The following SCFD2 variants were observed in gnomAD, a reference collection of about 807,000 sequenced individuals.
The protein encoded by SCFD2 is sec1 family domain-containing protein 2.
In SCFD2, 54 loss-of-function variants were observed where a neutral mutation model predicts 58.9. The observed-to-expected ratio is 0.92, with a 90% CI of 0.74 to 1.15. The LOEUF is 1.15. SCFD2 is among the 50% of genes most tolerant of loss of function. The probability of loss-of-function intolerance (pLI) is 0.00; values close to 1 mark genes in which losing one functional copy is unlikely to be tolerated. For missense variants in SCFD2, 805 were observed against 836.6 expected (o/e 0.96, Z 0.47); for synonymous variants, 321 against 335.9 (o/e 0.96, Z 0.49).
At chr4:52,940,466 A>G (rs1433086718) in intron 5 of SCFD2, among the ~76,000 whole-genome samples, 1 of 152,228 alleles carries the variant, frequency 6.6e-6, no homozygotes, top group African/African-American at 2.4e-5. Flanking sequence ...GTCCCACATT[A>G]GAAATTAAAG....
intron 4 of SCFD2, among the ~76,000 whole-genome samples, chr4:53,190,689 T>G (rs1221941142): frequency 1.3e-5 from 2 of 152,220 alleles, no homozygotes; most frequent in Non-Finnish European, 2.9e-5. Flanking sequence ...CAGTCTGTTT[T>G]TTGTTCTCTG....
At chr4:53,127,657 G>T (rs898466244) in intron 5 of SCFD2, among the ~76,000 whole-genome samples, 4 of 152,182 alleles carry the variant, frequency 2.6e-5, no homozygotes, top group African/African-American at 9.7e-5. Context: ...GCTGGGCTGG[G>T]AATCAGTTGC....
intron 3 of SCFD2, among the ~76,000 whole-genome samples, chr4:53,294,508 G>C (rs1731953701): frequency 6.6e-6 from 1 of 152,024 alleles, no homozygotes; most frequent in South Asian, 2.1e-4. Context: ...TTGTAAATTT[G>C]TTTAAGTTAT....
At chr4:53,249,316 A>G (rs1350719661) in intron 4 of SCFD2, among the ~76,000 whole-genome samples, 4 of 152,240 alleles carry the variant, frequency 2.6e-5, no homozygotes, top group Non-Finnish European at 5.9e-5. Flanking sequence ...TGAAAAGACC[A>G]AATCTACATC....
intron 7 of SCFD2, among the ~76,000 whole-genome samples, chr4:52,899,813 A>C (rs1029992547): frequency 1.2e-4 from 18 of 152,096 alleles, no homozygotes; most frequent in African/African-American, 4.3e-4. Flanking sequence ...TGGTCTTTTC[A>C]TATAGTCCCA....
Position 53,123,291 on chromosome 4 carries a change from A to G in SCFD2, c.1561+22042T>C, listed in dbSNP as rs116584311. Among the ~76,000 whole-genome samples the G allele has an allele frequency of 4.1e-3, 628 of 152,356 alleles. 6 individuals are homozygous for G. The highest frequency in any genetic ancestry group is 0.015 in the African/African-American group (606 of 41,576). Reference sequence around the variant, plus strand: ...CACTTGAACATTAAGTTTAAACAACATTAGTCTAAGCAAAGGGCAAAAAGA... The same window carrying G: ...CACTTGAACATTAAGTTTAAACAACGTTAGTCTAAGCAAAGGGCAAAAAGA... On this transcript the variant is annotated intron_variant, in intron 5 of 8. Coordinates refer to ENST00000401642, the MANE Select transcript of SCFD2 (RefSeq NM_152540.4).
chr4:53,343,436 G>C (rs1307838517), intron 2 of SCFD2, among the ~76,000 whole-genome samples: 2 of 152,080 alleles, frequency 1.3e-5, no homozygotes, highest in Admixed American at 6.6e-5. Flanking sequence ...ACCAATAACA[G>C]GTTCTGAAAT....
chr4:53,274,148 A>G (rs1422533433), intron 3 of SCFD2, 147 bp from the exon 4 acceptor site: 1 of 632,326 alleles, frequency 1.6e-6, no homozygotes, highest in South Asian at 3.3e-5. Context: ...GATTCTTACA[A>G]CTATATAGTG....
At chr4:52,926,522 A>G (rs2109492047) in intron 5 of SCFD2, among the ~76,000 whole-genome samples, 1 of 152,216 alleles carries the variant, frequency 6.6e-6, no homozygotes, top group South Asian at 2.1e-4. Flanking sequence ...AAGTCTCCCT[A>G]TTTACTGATA....
chr4:52,987,060 C>A (rs1307521830), intron 5 of SCFD2, among the ~76,000 whole-genome samples: 1 of 152,086 alleles, frequency 6.6e-6, no homozygotes, highest in Non-Finnish European at 1.5e-5. Flanking sequence ...GACGGAGTCT[C>A]GCTCCGTCGC....
intron 4 of SCFD2, among the ~76,000 whole-genome samples, chr4:53,172,438 T>C (rs995559419): frequency 6.6e-6 from 1 of 152,250 alleles, no homozygotes; most frequent in African/African-American, 2.4e-5. Flanking sequence ...TTAGGTTGTT[T>C]ATTTCAGATC....
At chr4:53,335,622 A>G (rs947485158) in intron 2 of SCFD2, among the ~76,000 whole-genome samples, 1 of 152,232 alleles carries the variant, frequency 6.6e-6, no homozygotes, top group Non-Finnish European at 1.5e-5. Flanking sequence ...AGTGATGGGC[A>G]TCATGTTAGC....
At chr4:52,976,303 C>T (rs527757972) in intron 5 of SCFD2, among the ~76,000 whole-genome samples, 2 of 152,230 alleles carry the variant, frequency 1.3e-5, no homozygotes, top group East Asian at 3.9e-4. Context: ...GAAGTAATAC[C>T]TACCTGGCAG....
chr4:53,046,679 T>C (rs1250404678), intron 5 of SCFD2, among the ~76,000 whole-genome samples: 2 of 152,136 alleles, frequency 1.3e-5, no homozygotes, highest in East Asian at 1.9e-4. Flanking sequence ...TTGTTGTTTT[T>C]TTCTTTGAGA....
At chr4:53,220,490 CTAAG>C (rs1159521260) in intron 4 of SCFD2, among the ~76,000 whole-genome samples, 1 of 152,136 alleles carries the variant, frequency 6.6e-6, no homozygotes, top group African/African-American at 2.4e-5. Flanking sequence ...GTTGAAATAA[CTAAG>C]TAATTTCTGT....
intron 5 of SCFD2, 102 bp from the exon 6 acceptor site, chr4:52,920,972 T>C (rs1719722110): frequency 8.2e-6 from 4 of 485,658 alleles, no homozygotes; most frequent in Middle Eastern, 5.5e-4. Flanking sequence ...TTTTTTTTTC[T>C]TTATTATTAT....
intron 4 of SCFD2, among the ~76,000 whole-genome samples, chr4:53,200,974 A>T (rs1242554169): frequency 2.0e-5 from 3 of 151,316 alleles, no homozygotes; most frequent in African/African-American, 7.3e-5. Flanking sequence ...GGTTGATATG[A>T]TTTATAATAC....
At chr4:53,325,034 C>T (rs1159906222) in intron 2 of SCFD2, among the ~76,000 whole-genome samples, 1 of 152,072 alleles carries the variant, frequency 6.6e-6, no homozygotes, top group Non-Finnish European at 1.5e-5. Context: ...GATCCCCAAC[C>T]AACAATCAGG....
chr4:53,128,049 TAAAAAA>T (rs34739040), intron 5 of SCFD2, among the ~76,000 whole-genome samples: 2 of 111,382 alleles, frequency 1.8e-5, no homozygotes, highest in South Asian at 3.1e-4. Context: ...GGCCATGTCC[TAAAAAA>T]AAAAAAAAAA....
Sources: allele counts gnomAD v4.1 joint callset (sites outside exome capture counted in the v4.1 genomes callset), GRCh38; gene constraint gnomAD v4.1.1; transcripts MANE v1.5; gene names NCBI Gene and HGNC (gene_info 2026-07-23, HGNC 2026-07-21).